Variants in ABHD2 observed in about 807,000 individuals in gnomAD.
ABHD2 encodes monoacylglycerol lipase ABHD2.
In ABHD2, 20 loss-of-function variants were observed where a neutral mutation model predicts 48.1. That is an observed-to-expected ratio of 0.42 (90% confidence interval 0.29 to 0.60). ABHD2 has a LOEUF of 0.60. Ranked by LOEUF, ABHD2 falls within the 20% of genes least tolerant of loss-of-function variation. ABHD2 has a pLI of 0.24. For missense variants in ABHD2, 405 were observed against 550.9 expected (o/e 0.74, Z 2.65); for synonymous variants, 209 against 214.2 (o/e 0.98, Z 0.21).
rs930384391 is a variant in ABHD2 at position 89,100,201 on chromosome 15, G to C, written c.-107+11638G>C. Among the ~76,000 whole-genome samples the C allele has an allele frequency of 6.6e-6, 1 of 152,076 alleles. No individual in the cohort carries two copies. Among genetic ancestry groups the C allele is most frequent in the Non-Finnish European group, 1.5e-5 (1 of 68,016 alleles). The stretch of plus-strand genomic sequence containing the variant: ...GACCCAGACATTTGGCTCTGGACTG[G>C]GATCTTCCAGCCTTGGTGAATGAAG... On this transcript the variant is annotated intron_variant, in intron 1 of 10. Coordinates refer to ENST00000352732, the MANE Select transcript of ABHD2 (RefSeq NM_152924.5). This position sits in a 1 kb window ranked among gnomAD's most constrained non-coding sequence, Gnocchi z 4.4.
chr15:89,145,568 G>C (rs2050477503), intron 3 of ABHD2, among the ~76,000 whole-genome samples: 1 of 152,176 alleles, frequency 6.6e-6, no homozygotes, highest in South Asian at 2.1e-4. Context: ...TCAAAGACAA[G>C]CCCAGCTCAA....
At chr15:89,084,382 C>T (rs749615539), upstream of ABHD2, among the ~76,000 whole-genome samples, 2 of 152,096 alleles carry the variant, frequency 1.3e-5, no homozygotes, top group Non-Finnish European at 2.9e-5. This position sits in a 1 kb window ranked among gnomAD's most constrained non-coding sequence, Gnocchi z 4.4. Context: ...TCACTGCATC[C>T]GCCGCCTCCT....
chr15:89,162,337 A>G (rs1314637675), intron 5 of ABHD2, among the ~76,000 whole-genome samples: 2 of 152,058 alleles, frequency 1.3e-5, no homozygotes, highest in Non-Finnish European at 2.9e-5. Context: ...AGGTCCATAT[A>G]TTGCAATTGG....
intron 2 of ABHD2, among the ~76,000 whole-genome samples, chr15:89,115,370 ATGTGTGTGTGTGTG>A (rs1164718189): frequency 0.16 from 16,006 of 99,744 alleles, 1,105 homozygotes; most frequent in South Asian, 0.23. Context: ...GTTTGGAGGT[ATGTGTGTGTGTGTG>A]TGTGTGTGTG....
In ABHD2 at chr15:89,196,886, A is replaced by G. The variant is rs2051413007; in HGVS notation, c.*1463A>G. 6.5e-6 allele frequency: 1 copy of G among 152,680 alleles called. No homozygotes were observed. Among genetic ancestry groups the G allele is most frequent in the Non-Finnish European group, 1.5e-5 (1 of 68,052 alleles). 9.5% of individuals were successfully genotyped at this position (152,680 alleles called of 1,614,324 possible). On this transcript the variant is annotated 3_prime_UTR_variant, in exon 11 of 11. Coordinates refer to ENST00000352732, the MANE Select transcript of ABHD2 (RefSeq NM_152924.5). The stretch of plus-strand genomic sequence containing the variant: ...CCGATCCTGTGGTACTTGAATATCC[A>G]AAAACCCTGCACTTTGAACAATCAG...
the ABHD2 span, among the ~76,000 whole-genome samples, chr15:89,045,899 G>C: frequency 6.6e-6 from 1 of 152,136 alleles, no homozygotes; most frequent in African/African-American, 2.4e-5. Context: ...TCCTTCTCCT[G>C]CCTGATTGCC....
At chr15:89,139,322 C>T (rs2050366469) in intron 3 of ABHD2, among the ~76,000 whole-genome samples, 1 of 152,158 alleles carries the variant, frequency 6.6e-6, no homozygotes, top group African/African-American at 2.4e-5. Flanking sequence ...CCCCATGATG[C>T]ACTAAGTGAA....
At chr15:89,054,484 C>T in the ABHD2 span, among the ~76,000 whole-genome samples, 7 of 151,726 alleles carry the variant, frequency 4.6e-5, no homozygotes, top group African/African-American at 1.5e-4. Context: ...AGTTTGAGAC[C>T]AGCCTGACCA....
chr15:89,084,731 T>C (rs79214221), upstream of ABHD2, among the ~76,000 whole-genome samples: 1,767 of 152,358 alleles, frequency 0.012, 33 homozygotes, highest in African/African-American at 0.04. The surrounding 1 kb of genome is among the most constrained non-coding windows in gnomAD (Gnocchi z 4.4). Flanking sequence ...TGGGCTCCTA[T>C]AATAGCTGTG....
At chr15:89,194,265 G>A (rs143353082) in intron 10 of ABHD2, among the ~76,000 whole-genome samples, 7 of 152,068 alleles carry the variant, frequency 4.6e-5, no homozygotes, top group Non-Finnish European at 4.4e-5. Context: ...TTGGGAGGCC[G>A]AGGTAGGCAG....
At chr15:89,103,147 G>C (rs2049727818) in intron 1 of ABHD2, among the ~76,000 whole-genome samples, 1 of 152,320 alleles carries the variant, frequency 6.6e-6, no homozygotes, top group Admixed American at 6.5e-5. Context: ...TCAATGCAAA[G>C]ATGTGATAAA....
At chr15:89,131,391 C>T (rs1020483520) in intron 3 of ABHD2, among the ~76,000 whole-genome samples, 4 of 152,222 alleles carry the variant, frequency 2.6e-5, no homozygotes, top group African/African-American at 9.6e-5. Flanking sequence ...CTGATGAATG[C>T]TTTCTGGACA....
chr15:89,178,716 C>T (rs188153931), intron 6 of ABHD2, among the ~76,000 whole-genome samples: 12 of 152,322 alleles, frequency 7.9e-5, no homozygotes, highest in East Asian at 1.9e-4. Flanking sequence ...ACCTGGTATC[C>T]GGCAGACTTT....
At chr15:89,078,044 C>T in the ABHD2 span, among the ~76,000 whole-genome samples, 1 of 152,150 alleles carries the variant, frequency 6.6e-6, no homozygotes, top group African/African-American at 2.4e-5. Context: ...AGTAAATTTA[C>T]CTTTCTCTCC....
chr15:89,161,603 G>C (rs1346591780), intron 5 of ABHD2, among the ~76,000 whole-genome samples: 1 of 152,018 alleles, frequency 6.6e-6, no homozygotes, highest in African/African-American at 2.4e-5. Flanking sequence ...GTTTCACCAT[G>C]TTGGCCAGAC....
chr15:89,119,913 A>G (rs994233109), intron 3 of ABHD2, among the ~76,000 whole-genome samples: 1 of 152,134 alleles, frequency 6.6e-6, no homozygotes, highest in Non-Finnish European at 1.5e-5. Flanking sequence ...TTTTTTTCCT[A>G]CAAGGAAGCC....
chr15:89,055,278 A>G, the ABHD2 span, among the ~76,000 whole-genome samples: 305 of 149,674 alleles, frequency 2.0e-3, 5 homozygotes, highest in African/African-American at 7.0e-3. Context: ...TGATTTAACT[A>G]TCCTACTTTT....
chr15:89,144,604 G>A (rs995738748), intron 3 of ABHD2, among the ~76,000 whole-genome samples: 4 of 152,196 alleles, frequency 2.6e-5, no homozygotes, highest in Non-Finnish European at 5.9e-5. Flanking sequence ...GTCACATGTT[G>A]ATAATTCTGT....
intron 6 of ABHD2, among the ~76,000 whole-genome samples, chr15:89,183,171 T>A (rs779981809): frequency 3.3e-5 from 5 of 152,048 alleles, no homozygotes; most frequent in Non-Finnish European, 5.9e-5. Context: ...GTGTCCAGAT[T>A]TCCTTGATTG....
Sources: allele counts gnomAD v4.1 joint callset (sites outside exome capture counted in the v4.1 genomes callset), GRCh38; gene constraint gnomAD v4.1.1; non-coding constraint Gnocchi (gnomAD v3.1); transcripts MANE v1.5; gene names NCBI Gene and HGNC (gene_info 2026-07-23, HGNC 2026-07-21).